Variants in MAGI2 observed in about 807,000 individuals in gnomAD.
The protein encoded by MAGI2 is membrane associated guanylate kinase, WW and PDZ domain containing 2.
Under a neutral mutation model 133.3 loss-of-function variants are expected in MAGI2, and 35 were observed. The observed-to-expected ratio is 0.26, with a 90% CI of 0.20 to 0.35. MAGI2 has a LOEUF of 0.35. MAGI2 is among the 10% of genes least tolerant of loss of function. MAGI2 has a pLI of 1.00. For synonymous variants in MAGI2, 729 were observed against 710.6 expected (o/e 1.03, Z -0.41); for missense variants, 1,636 against 1,863.4 (o/e 0.88, Z 2.25).
chr7:78,512,605 C>T (rs544378473), intron 4 of MAGI2, among the ~76,000 whole-genome samples: 42 of 152,138 alleles, frequency 2.8e-4, no homozygotes, highest in Non-Finnish European at 5.0e-4. Flanking sequence ...AGGGTTTTGC[C>T]ATGTTGGCCA....
chr7:79,084,920 C>T (rs79534798), intron 1 of MAGI2, among the ~76,000 whole-genome samples: 4,026 of 151,810 alleles, frequency 0.027, 191 homozygotes, highest in African/African-American at 0.092. Context: ...TCATGATTTT[C>T]GATAAGACTC....
rs374175167 is a variant in MAGI2 at position 78,635,057 on chromosome 7, C to A, written c.419-7818G>T. Among the ~76,000 whole-genome samples, 40 of 152,114 alleles carry A rather than the reference C, an allele frequency of 2.6e-4. No homozygotes were observed. The South Asian group carries it at 3.5e-3, about 13-fold the overall frequency. On this transcript the variant is annotated intron_variant, in intron 2 of 21. Coordinates refer to ENST00000354212, the MANE Select transcript of MAGI2 (RefSeq NM_012301.4). ...TAAACAACAGCTTATTTATTAATTG[C>A]TAAATTAAGTACTGTATGAACAACA...
intron 2 of MAGI2, among the ~76,000 whole-genome samples, chr7:78,961,314 G>T (rs1802820081): frequency 1.3e-5 from 2 of 151,968 alleles, no homozygotes. Context: ...GCCCCTCGAG[G>T]CTCCCCTGTT....
intron 1 of MAGI2, among the ~76,000 whole-genome samples, chr7:79,253,370 C>A (rs760984373): frequency 1.3e-5 from 2 of 152,086 alleles, no homozygotes; most frequent in Non-Finnish European, 2.9e-5. Flanking sequence ...TGGCCAGGCA[C>A]GGTGGCTCAT....
chr7:78,892,766 C>G (rs916112322), intron 2 of MAGI2, among the ~76,000 whole-genome samples: 2 of 152,110 alleles, frequency 1.3e-5, no homozygotes, highest in Admixed American at 1.3e-4. Context: ...GACCCAAAAC[C>G]ATAAAAACCC....
intron 3 of MAGI2, among the ~76,000 whole-genome samples, chr7:78,535,618 G>C (rs1169481333): frequency 6.6e-6 from 1 of 151,560 alleles, no homozygotes; most frequent in Non-Finnish European, 1.5e-5. Context: ...GGTGCAGGCT[G>C]AACTAACTTT....
At position 78,501,784 on chromosome 7, in the gene MAGI2, G is replaced by T; in HGVS notation, c.758C>A (p.Ser253Tyr). The change falls in exon 5 of 22, where the codon TCC becomes TAC. Residue 253 changes from serine (S) to tyrosine (Y), a missense_variant. Ser to Tyr is a moderately radical substitution (Grantham distance 144, BLOSUM62 -2). Transcript: ENST00000354212. ...NGNGVVVTPESSEHEDKSAGA... is the reference protein window; with the variant it reads ...NGNGVVVTPEYSEHEDKSAGA... ...TGCACTTTTGTCTTCATGTTCACTGGATTCTATAAGAGAACAAGAGCACGT... is the reference window on the plus strand; with the variant it reads ...TGCACTTTTGTCTTCATGTTCACTGTATTCTATAAGAGAACAAGAGCACGT... The T allele has an allele frequency of 1.2e-6, 2 of 1,612,282 alleles. No individual in the cohort carries two copies. The highest frequency in any genetic ancestry group is 1.3e-5 in the African/African-American group (1 of 74,990).
At chr7:78,144,211 C>T (rs951852758) in intron 16 of MAGI2, among the ~76,000 whole-genome samples, 1 of 152,098 alleles carries the variant, frequency 6.6e-6, no homozygotes, top group African/African-American at 2.4e-5. Flanking sequence ...AAATTCTAGT[C>T]TCTTGCCCTA....
chr7:78,392,746 T>G (rs1353791656), intron 6 of MAGI2, among the ~76,000 whole-genome samples: 3 of 152,160 alleles, frequency 2.0e-5, no homozygotes, highest in Non-Finnish European at 4.4e-5. Context: ...CAGTTTCAAG[T>G]GATTCTCCTG....
chr7:78,425,972 A>G (rs1254793907), intron 6 of MAGI2, among the ~76,000 whole-genome samples: 1 of 152,214 alleles, frequency 6.6e-6, no homozygotes, highest in Admixed American at 6.5e-5. Context: ...CAATACCAAA[A>G]TTGTGACCTG....
chr7:78,426,806 A>C (rs969841863), intron 6 of MAGI2, among the ~76,000 whole-genome samples: 1 of 152,176 alleles, frequency 6.6e-6, no homozygotes, highest in Admixed American at 6.5e-5. Flanking sequence ...TAATATAAAG[A>C]AAATCTAACC....
intron 1 of MAGI2, among the ~76,000 whole-genome samples, chr7:79,252,225 GA>G (rs1328765433): frequency 6.7e-6 from 1 of 149,794 alleles, no homozygotes; most frequent in African/African-American, 2.4e-5. Context: ...TATACATGAT[GA>G]AATACTATTC....
chr7:78,399,169 A>G (rs939490505), intron 6 of MAGI2, among the ~76,000 whole-genome samples: 1 of 152,236 alleles, frequency 6.6e-6, no homozygotes, highest in Non-Finnish European at 1.5e-5. Context: ...ATTGGATAAC[A>G]CCAAGGAATA....
chr7:78,373,585 A>G (rs1337622319), intron 6 of MAGI2, among the ~76,000 whole-genome samples: 1 of 152,066 alleles, frequency 6.6e-6, no homozygotes, highest in Non-Finnish European at 1.5e-5. Flanking sequence ...CTTTATTTTA[A>G]AAACCTTTTC....
chr7:78,844,400 A>C (rs1289710679), intron 2 of MAGI2, among the ~76,000 whole-genome samples: 2 of 151,892 alleles, frequency 1.3e-5, no homozygotes, highest in African/African-American at 4.8e-5. Flanking sequence ...GGTAGAAACA[A>C]CTCAAATGAC....
At chr7:78,165,278 T>C (rs903898952) in intron 15 of MAGI2, among the ~76,000 whole-genome samples, 3 of 152,182 alleles carry the variant, frequency 2.0e-5, no homozygotes, top group Admixed American at 6.5e-5. Context: ...TGAGCCATGA[T>C]TGTATCACTG....
At chr7:78,745,167 T>C (rs1035362453) in intron 2 of MAGI2, among the ~76,000 whole-genome samples, 1 of 152,240 alleles carries the variant, frequency 6.6e-6, no homozygotes, top group Non-Finnish European at 1.5e-5. Context: ...TTCTCATGCA[T>C]ACTTCATAAC....
chr7:79,183,661 C>A (rs1041326584), intron 1 of MAGI2, among the ~76,000 whole-genome samples: 1 of 151,816 alleles, frequency 6.6e-6, no homozygotes, highest in Non-Finnish European at 1.5e-5. Flanking sequence ...GAAATGACTA[C>A]GTCAAAGAGA....
At chr7:78,769,681 G>C (rs148566231) in intron 2 of MAGI2, among the ~76,000 whole-genome samples, 2 of 152,186 alleles carry the variant, frequency 1.3e-5, no homozygotes, top group Non-Finnish European at 2.9e-5. Flanking sequence ...AGGTTCACAA[G>C]AAAATGTCAG....
Sources: gnomAD v4.1 joint callset for allele counts (sites outside exome capture counted in the v4.1 genomes callset) on GRCh38, gnomAD v4.1.1 for gene constraint, MANE v1.5 for transcripts, NCBI Gene and HGNC (gene_info 2026-07-23, HGNC 2026-07-21) for gene names.